ANXA4: variants seen among roughly 807,000 people sequenced by gnomAD.
ANXA4 encodes annexin A4, also known as 35-beta calcimedin.
A neutral mutation model predicts 49.8 loss-of-function variants in ANXA4; 39 were observed. That is an observed-to-expected ratio of 0.78 (90% CI 0.61 to 1.02). The LOEUF (loss-of-function observed/expected upper bound fraction) is 1.02. Ranked by LOEUF, ANXA4 falls within the 50% of genes least tolerant of loss-of-function variation. ANXA4 has a pLI of 0.00. For synonymous variants in ANXA4, 134 were observed against 152.5 expected (o/e 0.88, Z 0.89); for missense variants, 360 against 410.1 (o/e 0.88, Z 1.05).
chr2:69,816,219 A>G, intron 9 of ANXA4, 25 bp downstream of exon 9: 1 of 1,599,664 alleles, frequency 6.3e-7, no homozygotes, highest in Non-Finnish European at 8.6e-7. Context: ...TCATTTCCCA[A>G]AGAAAAGGAG....
chr2:69,678,730 T>C (rs963098782), intron 2 of ANXA4, among the ~76,000 whole-genome samples: 22 of 152,294 alleles, frequency 1.4e-4, no homozygotes, highest in African/African-American at 5.1e-4. Context: ...AACAGAAATA[T>C]ATTACACCAC....
At chr2:69,739,919 A>G (rs1670341485), upstream of ANXA4, among the ~76,000 whole-genome samples, 1 of 152,162 alleles carries the variant, frequency 6.6e-6, no homozygotes, top group Non-Finnish European at 1.5e-5. Context: ...AAACTGAGCA[A>G]AGATATGGTT....
chr2:69,771,158 C>T (rs1671701451), intron 1 of ANXA4, among the ~76,000 whole-genome samples: 1 of 149,250 alleles, frequency 6.7e-6, no homozygotes, highest in Middle Eastern at 3.5e-3. Context: ...CAAAAATCCT[C>T]ATGCTCCAAT....
At chr2:69,669,096 C>T (rs576622340) in intron 2 of ANXA4, among the ~76,000 whole-genome samples, 23 of 151,566 alleles carry the variant, frequency 1.5e-4, no homozygotes, top group Middle Eastern at 6.8e-3. Flanking sequence ...GCCACCACGC[C>T]GGCTAATCTG....
At chr2:69,727,194 A>G (rs533006212) in intron 3 of ANXA4, among the ~76,000 whole-genome samples, 23 of 152,324 alleles carry the variant, frequency 1.5e-4, no homozygotes, top group African/African-American at 4.6e-4. Context: ...ATTGATGGAC[A>G]TGTAAATTAT....
chr2:69,730,808 G>C (rs1670076287), intron 3 of ANXA4, among the ~76,000 whole-genome samples: 1 of 152,224 alleles, frequency 6.6e-6, no homozygotes, highest in Non-Finnish European at 1.5e-5. Context: ...AATCTCTGCT[G>C]CTTAGGGATT....
chr2:69,730,367 T>A (rs1210154975), intron 3 of ANXA4, among the ~76,000 whole-genome samples: 1 of 152,058 alleles, frequency 6.6e-6, no homozygotes, highest in East Asian at 1.9e-4. Context: ...CCAGGCATGG[T>A]GGTGCATGCC....
At chr2:69,751,729 C>T (rs1401960401) in intron 1 of ANXA4, among the ~76,000 whole-genome samples, 1 of 152,056 alleles carries the variant, frequency 6.6e-6, no homozygotes, top group Admixed American at 6.6e-5. Flanking sequence ...CCATGTGCTG[C>T]ATCATGACTC....
intron 11 of ANXA4, among the ~76,000 whole-genome samples, chr2:69,820,143 C>G (rs1674168759): frequency 6.6e-6 from 1 of 150,996 alleles, no homozygotes; most frequent in South Asian, 2.1e-4. Context: ...GAATGTCTAG[C>G]CTAGGCAAGT....
intron 2 of ANXA4, among the ~76,000 whole-genome samples, chr2:69,782,817 C>T (rs1378654609): frequency 6.6e-6 from 1 of 152,218 alleles, no homozygotes; most frequent in Non-Finnish European, 1.5e-5. Flanking sequence ...GTGCTTTCCA[C>T]TCGGAGAAAA....
chr2:69,725,222 TATAAC>T (rs1669930595), intron 3 of ANXA4, among the ~76,000 whole-genome samples: 2 of 152,122 alleles, frequency 1.3e-5, no homozygotes, highest in Admixed American at 6.6e-5. Flanking sequence ...TTTACAGAGA[TATAAC>T]ATATTAACAT....
chr2:69,675,164 C>T (rs1463002538), intron 2 of ANXA4, among the ~76,000 whole-genome samples: 1 of 152,156 alleles, frequency 6.6e-6, no homozygotes, highest in Non-Finnish European at 1.5e-5. Context: ...CCTCGTGATC[C>T]ACCTGCCTTG....
At chr2:69,752,271 T>C (rs1490309937) in intron 1 of ANXA4, among the ~76,000 whole-genome samples, 1 of 152,200 alleles carries the variant, frequency 6.6e-6, no homozygotes, top group Non-Finnish European at 1.5e-5. Flanking sequence ...AGATGAGTAT[T>C]GAGGGACAGG....
intron 2 of ANXA4, among the ~76,000 whole-genome samples, chr2:69,684,860 GA>G (rs1437839267): frequency 2.6e-5 from 4 of 152,108 alleles, no homozygotes; most frequent in Non-Finnish European, 5.9e-5. Context: ...GAGAAATAGA[GA>G]AAGAGCATAA....
chr2:69,716,438 C>A (rs1249257328), intron 2 of ANXA4, among the ~76,000 whole-genome samples: 1 of 152,086 alleles, frequency 6.6e-6, no homozygotes, highest in Admixed American at 6.6e-5. Flanking sequence ...CAGCTGCACT[C>A]GAGGAACTGC....
chr2:69,658,399 C>CAAA (rs754617600), intron 2 of ANXA4, among the ~76,000 whole-genome samples: 5,369 of 74,448 alleles, frequency 0.072, 491 homozygotes, highest in East Asian at 0.43. Context: ...GGTTCTGTCT[C>CAAA]AAAAAAAAAA....
At chr2:69,822,639 T>C (rs760214381) in intron 12 of ANXA4, among the ~76,000 whole-genome samples, 1 of 152,214 alleles carries the variant, frequency 6.6e-6, no homozygotes, top group Non-Finnish European at 1.5e-5. Context: ...CTTGAAAATA[T>C]ACTACGTGCA....
At chr2:69,729,661 A>G (rs1191163352) in intron 3 of ANXA4, among the ~76,000 whole-genome samples, 2 of 152,374 alleles carry the variant, frequency 1.3e-5, no homozygotes, top group African/African-American at 4.8e-5. Context: ...GGATAAAGTT[A>G]AGAACTTCCA....
chr2:69,787,661 C>T lies in ANXA4; in HGVS notation c.10-393C>T, dbSNP rs535600071. On this transcript the variant is annotated intron_variant, in intron 2 of 12. Transcript: ENST00000394295. ...TCCTGCTTTCCCTACAAACTAGTTCCGGCCTCAGGACCTTTGCAGGAGCTG... is the reference window on the plus strand; with the variant it reads ...TCCTGCTTTCCCTACAAACTAGTTCTGGCCTCAGGACCTTTGCAGGAGCTG... Among the ~76,000 whole-genome samples, 65 of 152,334 alleles carry T rather than the reference C, an allele frequency of 4.3e-4. 1 individual carries two copies. Among genetic ancestry groups the T allele is most frequent in the African/African-American group, 1.5e-3 (62 of 41,576 alleles).
Sources: allele counts gnomAD v4.1 joint callset (sites outside exome capture counted in the v4.1 genomes callset), GRCh38; gene constraint gnomAD v4.1.1; transcripts MANE v1.5; gene names NCBI Gene and HGNC (gene_info 2026-07-23, HGNC 2026-07-21).